The following CMTM8 variants were observed in gnomAD, a reference collection of about 807,000 sequenced individuals.
The protein encoded by CMTM8 is CKLF like MARVEL transmembrane domain containing 8.
A neutral mutation model predicts 18.6 loss-of-function variants in CMTM8; 12 were observed. The ratio of observed to expected loss-of-function variants is 0.65; its 90% confidence interval spans 0.41 to 1.05. CMTM8 has a LOEUF of 1.05. Among genes scored for constraint, CMTM8 ranks in the 50% least tolerant of loss-of-function variants. The probability of loss-of-function intolerance (pLI) is 0.00; values close to 1 mark genes in which losing one functional copy is unlikely to be tolerated. For missense variants in CMTM8, 217 were observed against 227.2 expected, an observed-to-expected ratio of 0.95 and a Z score of 0.29; for synonymous variants, 87 against 90.6, an observed-to-expected ratio of 0.96 and a Z score of 0.23.
chr3:32,285,489 G>C (rs111558121), intron 1 of CMTM8, among the ~76,000 whole-genome samples: 12,184 of 149,532 alleles, frequency 0.081, 515 homozygotes, highest in African/African-American at 0.091. Context: ...CTCCAGCCTG[G>C]GTGACAGAGC....
intron 1 of CMTM8, among the ~76,000 whole-genome samples, chr3:32,337,479 T>C (rs913931989): frequency 6.6e-6 from 1 of 152,220 alleles, no homozygotes; most frequent in Non-Finnish European, 1.5e-5. Context: ...TACTTAATGG[T>C]GACCCAGGAC....
intron 1 of CMTM8, among the ~76,000 whole-genome samples, chr3:32,249,171 G>A (rs1053003772): frequency 1.3e-5 from 2 of 150,030 alleles, no homozygotes; most frequent in African/African-American, 2.5e-5. Flanking sequence ...GCTCACGCCT[G>A]TAATCCCACC....
chr3:32,346,054 C>A (rs536559677), intron 1 of CMTM8, among the ~76,000 whole-genome samples: 1 of 151,992 alleles, frequency 6.6e-6, no homozygotes, highest in Non-Finnish European at 1.5e-5. Flanking sequence ...CTTGGGAGGC[C>A]GAGGCAGGAG....
chr3:32,267,391 T>C (rs1702365876), intron 1 of CMTM8, among the ~76,000 whole-genome samples: 1 of 152,206 alleles, frequency 6.6e-6, no homozygotes, highest in South Asian at 2.1e-4. Context: ...GAAAACTGAC[T>C]AGCCATATGT....
intron 1 of CMTM8, among the ~76,000 whole-genome samples, chr3:32,242,135 A>C (rs1195080700): frequency 6.6e-6 from 1 of 152,032 alleles, no homozygotes; most frequent in Non-Finnish European, 1.5e-5. Context: ...CTTTGCTCCC[A>C]CTGGGGGGAC....
At chr3:32,362,994 AT>A (rs1696965531) in intron 2 of CMTM8, among the ~76,000 whole-genome samples, 1 of 151,550 alleles carries the variant, frequency 6.6e-6, no homozygotes, top group South Asian at 2.1e-4. Flanking sequence ...CCTCTAGCTG[AT>A]ACAATCATTA....
At chr3:32,297,496 A>C (rs1349002862) in intron 1 of CMTM8, among the ~76,000 whole-genome samples, 6 of 151,984 alleles carry the variant, frequency 3.9e-5, no homozygotes, top group Non-Finnish European at 8.8e-5. Flanking sequence ...TAAACTTTTG[A>C]TGAGGCTATT....
chr3:32,335,525 G>A (rs936283008), intron 1 of CMTM8, among the ~76,000 whole-genome samples: 2 of 152,130 alleles, frequency 1.3e-5, no homozygotes, highest in Non-Finnish European at 2.9e-5. Context: ...TGTTTTCAGG[G>A]GCCAGGTGGT....
At chr3:32,359,300 T>G (rs1368375598) in intron 2 of CMTM8, among the ~76,000 whole-genome samples, 1 of 152,202 alleles carries the variant, frequency 6.6e-6, no homozygotes, top group Non-Finnish European at 1.5e-5. Context: ...CCAGTAAAAC[T>G]TTATTTACAA....
In CMTM8 at chr3:32,239,046, C is replaced by CCAG. The variant is rs768011366; in HGVS notation, c.85_87dup (p.Ser29dup). On this transcript the variant is annotated inframe_insertion, in exon 1 of 4. Transcript: ENST00000307526. Reference sequence around the variant, plus strand: ...AGCTCCTTCGCAGAGAACTTCTCCACCAGCAGCAGCAGCTTCGCCTACGAC... The same window carrying CCAG: ...AGCTCCTTCGCAGAGAACTTCTCCACCAGCAGCAGCAGCAGCTTCGCCTACGAC... 3.1e-6 allele frequency: 5 copies of CCAG among 1,590,318 alleles called. No homozygotes were observed. Among genetic ancestry groups the CCAG allele is most frequent in the African/African-American group, 1.3e-5 (1 of 74,356 alleles).
chr3:32,338,287 T>A lies in CMTM8; in HGVS notation c.148-19086T>A, dbSNP rs114151868. 2.2e-3 allele frequency among the ~76,000 whole-genome samples: 332 copies of A among 152,076 alleles called. 4 individuals carry two copies. The highest frequency in any genetic ancestry group is 7.7e-3 in the African/African-American group (321 of 41,484). ...GTAAGCCACCGTGCCCGGCCTGGCC[T>A]TTTACAGTAAAAGCATGCCAACCTC... On this transcript the variant is annotated intron_variant, in intron 1 of 3. Coordinates refer to ENST00000307526, the MANE Select transcript of CMTM8 (RefSeq NM_178868.5).
chr3:32,265,523 C>G (rs1217730040), intron 1 of CMTM8, among the ~76,000 whole-genome samples: 6 of 150,852 alleles, frequency 4.0e-5, no homozygotes, highest in Non-Finnish European at 7.4e-5. Flanking sequence ...AATTGACACC[C>G]TAACATCACA....
chr3:32,340,836 G>A (rs150481913), intron 1 of CMTM8, among the ~76,000 whole-genome samples: 24 of 152,360 alleles, frequency 1.6e-4, no homozygotes, highest in African/African-American at 5.3e-4. Flanking sequence ...ACTAGATGGC[G>A]AATTCCTCCT....
intron 1 of CMTM8, among the ~76,000 whole-genome samples, chr3:32,265,818 A>G (rs1212094448): frequency 1.3e-5 from 2 of 152,244 alleles, no homozygotes; most frequent in African/African-American, 2.4e-5. Flanking sequence ...AGAGAATACT[A>G]TAAACACCTC....
chr3:32,271,785 C>G (rs1175485355), intron 1 of CMTM8, among the ~76,000 whole-genome samples: 1 of 152,156 alleles, frequency 6.6e-6, no homozygotes, highest in Non-Finnish European at 1.5e-5. Flanking sequence ...CATACTTAGT[C>G]TATTATACAG....
chr3:32,284,240 G>A (rs184448740), intron 1 of CMTM8, among the ~76,000 whole-genome samples: 7 of 152,334 alleles, frequency 4.6e-5, no homozygotes, highest in Admixed American at 4.6e-4. Flanking sequence ...GCAACAGAGC[G>A]AGACTCCGTC....
intron 1 of CMTM8, among the ~76,000 whole-genome samples, chr3:32,309,783 T>C (rs1012307706): frequency 9.2e-5 from 14 of 152,338 alleles, no homozygotes; most frequent in African/African-American, 2.6e-4. Context: ...ATACCCTGTG[T>C]TAGCCCTGTC....
At chr3:32,300,580 C>G (rs369307760) in intron 1 of CMTM8, among the ~76,000 whole-genome samples, 1 of 152,092 alleles carries the variant, frequency 6.6e-6, no homozygotes, top group East Asian at 1.9e-4. Context: ...GTCTTCTGAG[C>G]CCTAACACTG....
chr3:32,350,222 C>T (rs1696678151), intron 1 of CMTM8, among the ~76,000 whole-genome samples: 3 of 152,178 alleles, frequency 2.0e-5, no homozygotes, highest in Admixed American at 6.5e-5. Flanking sequence ...CCTTTGCTTC[C>T]TGTCCTAGAG....
Sources: gnomAD v4.1 joint callset for allele counts (sites outside exome capture counted in the v4.1 genomes callset) on GRCh38, gnomAD v4.1.1 for gene constraint, MANE v1.5 for transcripts, NCBI Gene and HGNC (gene_info 2026-07-23, HGNC 2026-07-21) for gene names.